NSD3: variants seen among roughly 807,000 people sequenced by gnomAD.
The protein encoded by NSD3 is nuclear receptor binding SET domain protein 3, also known as histone-lysine N-methyltransferase NSD3.
In NSD3, 24 loss-of-function variants were observed where a neutral mutation model predicts 160.8. The observed-to-expected ratio is 0.15, with a 90% CI of 0.11 to 0.21. The LOEUF is 0.21. NSD3 is among the 10% of genes least tolerant of loss of function. NSD3 has a pLI of 1.00. For missense variants in NSD3, 1,157 were observed against 1,735.9 expected, an observed-to-expected ratio of 0.67 and a Z score of 5.93; for synonymous variants, 520 against 600.0, an observed-to-expected ratio of 0.87 and a Z score of 1.95.
At position 38,329,822 on chromosome 8, in the gene NSD3, C is replaced by T; in HGVS notation, c.1137G>A (p.Leu379=). The T allele has an allele frequency of 6.2e-7, 1 of 1,613,384 alleles. No individual in the cohort carries two copies. Among genetic ancestry groups the T allele is most frequent in the Non-Finnish European group, 8.5e-7 (1 of 1,179,752 alleles). ...DIGIAHAEKA[L]KMTREERIEQ... ...CTATTCTTTCTTCTCGAGTCATTTTCAATGCTTTCTCTGCATGGGCAATGC... is the reference window on the plus strand; with the variant it reads ...CTATTCTTTCTTCTCGAGTCATTTTTAATGCTTTCTCTGCATGGGCAATGC... Residue 379 remains leucine, a synonymous_variant, in exon 6 of 24, where the codon TTG becomes TTA. Coordinates refer to ENST00000317025, the MANE Select transcript of NSD3 (RefSeq NM_023034.2). This position sits in a 1 kb window ranked among gnomAD's most constrained non-coding sequence, Gnocchi z 4.8.
At position 38,316,938 on chromosome 8, in the gene NSD3, AGGCAC is replaced by A; in HGVS notation, c.1856-901_1856-897del. On this transcript the variant is annotated intron_variant, in intron 9 of 23. Transcript: ENST00000317025. The surrounding 1 kb of genome is among the most constrained non-coding windows in gnomAD (Gnocchi z 4.5). Reference sequence around the variant, plus strand: ...ACAGCCACGATGAAATGTGCAGATCAGGCACGGTGAATACCAAGGAACCAAGGAGA... The same window carrying A: ...ACAGCCACGATGAAATGTGCAGATCAGGTGAATACCAAGGAACCAAGGAGA... 9.4e-7 allele frequency: 1 copy of A among 1,061,820 alleles called. No individual in the cohort carries two copies. The highest frequency in any genetic ancestry group is 1.1e-6 in the Non-Finnish European group (1 of 876,912). 65.8% of individuals were successfully genotyped at this position (1,061,820 alleles called of 1,614,324 possible).
chr8:38,309,910 G>A (rs1485119417), intron 12 of NSD3, among the ~76,000 whole-genome samples: 1 of 152,124 alleles, frequency 6.6e-6, no homozygotes, highest in Non-Finnish European at 1.5e-5. Flanking sequence ...AAGGAAAATT[G>A]CCTAAATGAC....
In NSD3 at chr8:38,270,411, T is replaced by G. The variant is rs112682759; in HGVS notation, c.*5230A>C. 1 of 152,200 alleles carries G rather than the reference T, an allele frequency of 6.6e-6. No individual in the cohort carries two copies. The highest frequency in any genetic ancestry group is 2.4e-5 in the African/African-American group (1 of 41,446). The allele number at this position is 152,200 out of a possible 1,614,324, so 9.4% of individuals were successfully genotyped here. On this transcript the variant is annotated 3_prime_UTR_variant, in exon 24 of 24. Transcript: ENST00000317025. Reference sequence around the variant, plus strand: ...AATGGGTACAAATGAGTTTCTCATATCAATTCCAAATATACACATACCCTT... The same window carrying G: ...AATGGGTACAAATGAGTTTCTCATAGCAATTCCAAATATACACATACCCTT...
intron 18 of NSD3, 29 bp downstream of exon 18, chr8:38,289,364 G>T: frequency 6.4e-7 from 1 of 1,560,074 alleles, no homozygotes; most frequent in Non-Finnish European, 8.7e-7. Context: ...ATTTTATTTG[G>T]CAATCCCAGG....
chr8:38,332,163 A>G (rs1021722046), intron 4 of NSD3, among the ~76,000 whole-genome samples: 2 of 152,172 alleles, frequency 1.3e-5, no homozygotes, highest in African/African-American at 4.8e-5. Flanking sequence ...CTGGTCTCAA[A>G]CGCTTGGCCT....
intron 20 of NSD3, among the ~76,000 whole-genome samples, chr8:38,280,367 C>T (rs1485790658): frequency 3.3e-5 from 5 of 152,006 alleles, no homozygotes; most frequent in Non-Finnish European, 7.4e-5. Flanking sequence ...GAGCCAGATC[C>T]CAGCAATCAT....
At chr8:38,278,563 G>A (rs1239025284) in intron 21 of NSD3, 151 bp from the exon 22 acceptor site, 10 of 611,558 alleles carry the variant, frequency 1.6e-5, no homozygotes, top group Non-Finnish European at 2.5e-5. Flanking sequence ...AACAGTGATG[G>A]TAAAAAAAGA....
chr8:38,314,139 A>C (rs1370110890), intron 12 of NSD3, among the ~76,000 whole-genome samples: 2 of 152,232 alleles, frequency 1.3e-5, no homozygotes, highest in Non-Finnish European at 2.9e-5. Context: ...CAGAGAGAAG[A>C]AATATAAACT....
intron 1 of NSD3, among the ~76,000 whole-genome samples, chr8:38,364,051 C>T (rs1467282083): frequency 1.4e-5 from 2 of 143,266 alleles, no homozygotes; most frequent in African/African-American, 2.6e-5. Flanking sequence ...GTGGGTGGAT[C>T]ACTTTGAGGT....
intron 14 of NSD3, among the ~76,000 whole-genome samples, chr8:38,301,689 A>G (rs1457406483): frequency 6.6e-6 from 1 of 152,244 alleles, no homozygotes; most frequent in Admixed American, 6.5e-5. Context: ...AAGTACAAAT[A>G]CTAGTCCCTC....
chr8:38,370,742 C>T (rs940446046), intron 1 of NSD3, among the ~76,000 whole-genome samples: 9 of 151,874 alleles, frequency 5.9e-5, no homozygotes, highest in Admixed American at 2.6e-4. Flanking sequence ...TATATAACCC[C>T]GTCAACATAC....
rs1225617893 is a variant in NSD3, at chr8:38,317,267, T to C, written c.1856-1225A>G. Reference sequence around the variant, plus strand: ...GTTTTTCACTGAATGTTTCCTGACATCTATAAATGAGGGTGCCTGCCCATG... The same window carrying C: ...GTTTTTCACTGAATGTTTCCTGACACCTATAAATGAGGGTGCCTGCCCATG... On this transcript the variant is annotated intron_variant, in intron 9 of 23. Coordinates refer to ENST00000317025, the MANE Select transcript of NSD3 (RefSeq NM_023034.2). The surrounding 1 kb of genome is among the most constrained non-coding windows in gnomAD (Gnocchi z 5.3). The C allele has an allele frequency of 9.4e-7, 1 of 1,061,016 alleles. No homozygotes were observed. The highest frequency in any genetic ancestry group is 5.4e-5 in the Admixed American group (1 of 18,564). The allele number at this position is 1,061,016 out of a possible 1,614,324, so 65.7% of individuals were successfully genotyped here.
At position 38,288,531 on chromosome 8, in the gene NSD3, C is replaced by T. The variant is rs747846657; in HGVS notation, c.3457G>A (p.Glu1153Lys). 3 of 1,614,204 alleles carry T rather than the reference C, an allele frequency of 1.9e-6. No homozygotes were observed. The Middle Eastern group carries it at 4.9e-4, about 266-fold the overall frequency. Residue 1153 changes from glutamate (E) to lysine (K), a missense_variant, in exon 19 of 24, where the codon GAG becomes AAG. Coordinates refer to ENST00000317025, the MANE Select transcript of NSD3 (RefSeq NM_023034.2). This position sits in a 1 kb window ranked among gnomAD's most constrained non-coding sequence, Gnocchi z 4.5. ...GTCCTGAGGCCCCAGCCTCTCCGCT[C>T]CGTTTTGATGATCTCTGCATCAGGG... ...LYPDAEIIKT[E>K]RRGWGLRTKR...
chr8:38,293,995 A>C (rs1185641938), intron 16 of NSD3, among the ~76,000 whole-genome samples: 2 of 151,076 alleles, frequency 1.3e-5, no homozygotes, highest in East Asian at 1.9e-4. Flanking sequence ...GAAAAGCAGA[A>C]CTCTATTGTG....
rs1162739659 is a variant in NSD3 at position 38,269,839 on chromosome 8, T to TA, written c.*5801dup. ...TTGGAATTCCAAAGTATTTGTAAAA[T>TA]AAAAAAGGCAACATCTCAGTAAATA... On this transcript the variant is annotated 3_prime_UTR_variant, in exon 24 of 24. Transcript: ENST00000317025. 6.6e-6 allele frequency: 1 copy of TA among 152,046 alleles called. No individual in the cohort carries two copies. The highest frequency in any genetic ancestry group is 2.4e-5 in the African/African-American group (1 of 41,402). 9.4% of individuals were successfully genotyped at this position (152,046 alleles called of 1,614,324 possible).
At chr8:38,331,698 T>C (rs1427786188) in intron 4 of NSD3, 113 bp from the exon 5 acceptor site, 10 of 1,078,686 alleles carry the variant, frequency 9.3e-6, no homozygotes, top group Non-Finnish European at 1.3e-5. Context: ...AAAACTTGTA[T>C]GTTTGGATTG....
intron 22 of NSD3, 34 bp downstream of exon 22, chr8:38,278,272 C>T (rs1485243103): frequency 6.3e-7 from 1 of 1,598,636 alleles, no homozygotes; most frequent in Non-Finnish European, 8.6e-7. Flanking sequence ...TCCTTATCGC[C>T]TGTTGACTGG....
intron 2 of NSD3, among the ~76,000 whole-genome samples, chr8:38,346,962 C>T (rs1810553511): frequency 6.6e-6 from 1 of 152,082 alleles, no homozygotes; most frequent in South Asian, 2.1e-4. Flanking sequence ...TTAAAAAATT[C>T]AGCAGCATAT....
chr8:38,340,518 A>C (rs1810337638), intron 2 of NSD3, among the ~76,000 whole-genome samples: 1 of 152,022 alleles, frequency 6.6e-6, no homozygotes, highest in South Asian at 2.1e-4. Context: ...TTGTATTTTT[A>C]GTAGAGACGG....
Sources: allele counts gnomAD v4.1 joint callset (sites outside exome capture counted in the v4.1 genomes callset), GRCh38; gene constraint gnomAD v4.1.1; non-coding constraint Gnocchi (gnomAD v3.1); transcripts MANE v1.5; gene names NCBI Gene and HGNC (gene_info 2026-07-23, HGNC 2026-07-21).